The following GCA variants were observed in gnomAD, a reference collection of about 807,000 sequenced individuals.
GCA encodes the protein grancalcin.
GCA carries 30 observed loss-of-function variants against 32.6 expected under a neutral mutation model. The observed-to-expected ratio is 0.92, with a 90% CI of 0.69 to 1.25. The LOEUF is 1.25. Ranked by LOEUF, GCA falls within the 50% of genes most tolerant of loss-of-function variation. The pLI is 0.00. For missense variants in GCA, 291 were observed against 266.8 expected (o/e 1.09, Z -0.63); for synonymous variants, 102 against 84.6 (o/e 1.21, Z -1.13).
Position 162,360,712 on chromosome 2 carries a change from T to C in GCA, c.*469T>C, listed in dbSNP as rs1295299568. 1.5e-6 allele frequency: 2 copies of C among 1,369,514 alleles called. No individual in the cohort carries two copies. Among genetic ancestry groups the C allele is most frequent in the Non-Finnish European group, 9.4e-7 (1 of 1,065,056 alleles). The allele number at this position is 1,369,514 out of a possible 1,614,324, so 84.8% of individuals were successfully genotyped here. A position where few individuals can be genotyped will look rare whatever the true frequency, so the allele number is the denominator to read the frequency against. ...GAAAGCCTGGATTTTGTGCCATGTT[T>C]GTAATATAGTTTGTTCCTTGATCAA... On this transcript the variant is annotated 3_prime_UTR_variant, in exon 8 of 8. Coordinates refer to ENST00000437150, the MANE Select transcript of GCA (RefSeq NM_012198.5).
intron 3 of GCA, among the ~76,000 whole-genome samples, chr2:162,353,067 C>T (rs781692083): frequency 3.1e-4 from 47 of 152,210 alleles, no homozygotes; most frequent in Non-Finnish European, 4.3e-4. Context: ...CTGGTTTCCC[C>T]GTTTCTCTTG....
intron 1 of GCA, among the ~76,000 whole-genome samples, chr2:162,326,661 C>A (rs1683892153): frequency 6.6e-6 from 1 of 152,176 alleles, no homozygotes; most frequent in Non-Finnish European, 1.5e-5. Context: ...GGACTACAGG[C>A]AAGCCCCACC....
rs1324499566 is a variant in GCA, at chr2:162,360,994, G to A, written c.*751G>A. 2 of 1,076,764 alleles carry A rather than the reference G, an allele frequency of 1.9e-6. No homozygotes were observed. Among genetic ancestry groups the A allele is most frequent in the Non-Finnish European group, 2.3e-6 (2 of 881,222 alleles). 66.7% of individuals were successfully genotyped at this position (1,076,764 alleles called of 1,614,324 possible). A position where few individuals can be genotyped will look rare whatever the true frequency, so the allele number is the denominator to read the frequency against. ...AAAATGGCATCCTGCTCTGAATCTA[G>A]ACTTTTTAGAAATGGCATATGTTTT... On this transcript the variant is annotated 3_prime_UTR_variant, in exon 8 of 8. Coordinates refer to ENST00000437150, the MANE Select transcript of GCA (RefSeq NM_012198.5).
intron 5 of GCA, among the ~76,000 whole-genome samples, chr2:162,357,158 A>G (rs999615298): frequency 1.3e-5 from 2 of 151,690 alleles, no homozygotes; most frequent in African/African-American, 2.4e-5. Context: ...GTTTAAATTT[A>G]TTTCTTTGTT....
At chr2:162,336,270 G>A (rs947848326) in intron 1 of GCA, among the ~76,000 whole-genome samples, 1 of 152,022 alleles carries the variant, frequency 6.6e-6, no homozygotes, top group Non-Finnish European at 1.5e-5. Flanking sequence ...AATTAGTTTT[G>A]TTTCCTTCTA....
At chr2:162,327,507 C>G (rs750067266) in intron 1 of GCA, among the ~76,000 whole-genome samples, 28 of 152,116 alleles carry the variant, frequency 1.8e-4, no homozygotes, top group Non-Finnish European at 2.8e-4. Context: ...TAGTTCAGAC[C>G]AGGTTGAATT....
chr2:162,346,077 C>A (rs1488352968), intron 1 of GCA, among the ~76,000 whole-genome samples: 1 of 151,754 alleles, frequency 6.6e-6, no homozygotes, highest in Admixed American at 6.6e-5. Context: ...TAATTGTATA[C>A]GAATAAAAAT....
rs1685630082 is a variant in GCA at position 162,362,774 on chromosome 2, G to C, written c.*2531G>C. The C allele has an allele frequency of 6.3e-6, 1 of 157,744 alleles. No homozygotes were observed. Among genetic ancestry groups the C allele is most frequent in the Admixed American group, 6.6e-5 (1 of 15,140 alleles). 9.8% of individuals were successfully genotyped at this position (157,744 alleles called of 1,614,324 possible). On this transcript the variant is annotated 3_prime_UTR_variant, in exon 8 of 8. Coordinates refer to ENST00000437150, the MANE Select transcript of GCA (RefSeq NM_012198.5). ...GTCAGGTATTGCACTTCTATTCTGA[G>C]TGGCAGTTTACACATTTTAAATTAC...
chr2:162,336,523 C>T (rs1018353961), intron 1 of GCA, among the ~76,000 whole-genome samples: 2 of 152,116 alleles, frequency 1.3e-5, no homozygotes, highest in Non-Finnish European at 2.9e-5. Flanking sequence ...AGGTAACATC[C>T]TCCTTTCTCC....
upstream of GCA, among the ~76,000 whole-genome samples, chr2:162,342,589 C>T (rs1428140442): frequency 1.3e-5 from 2 of 152,184 alleles, no homozygotes; most frequent in African/African-American, 2.4e-5. Flanking sequence ...CCAAACTTTG[C>T]CCTGGCAGGA....
chr2:162,347,670 G>A lies in GCA; in HGVS notation c.120G>A (p.Gly40=), dbSNP rs1684781119. Reference sequence around the variant, plus strand: ...CTATACTCCTCGATGGATACTCTGGGCCAGCATATTCAGACACTTATTCCT... The same window carrying A: ...CTATACTCCTCGATGGATACTCTGGACCAGCATATTCAGACACTTATTCCT... ...GPAILLDGYS[G]PAYSDTYSSA... Residue 40 remains glycine (G), a synonymous_variant, in exon 2 of 8, where the codon GGG becomes GGA. Coordinates refer to ENST00000437150, the MANE Select transcript of GCA (RefSeq NM_012198.5). 6.2e-7 allele frequency: 1 copy of A among 1,610,648 alleles called. No individual in the cohort carries two copies.
At chr2:162,371,031 T>C (rs1053159986) in intron 4 of GCA, among the ~76,000 whole-genome samples, 2 of 152,060 alleles carry the variant, frequency 1.3e-5, no homozygotes, top group Non-Finnish European at 2.9e-5. Context: ...AAGCTGTGGA[T>C]ATCAGTTTGT....
At chr2:162,367,519 C>T (rs1685791707), downstream of GCA, among the ~76,000 whole-genome samples, 1 of 151,822 alleles carries the variant, frequency 6.6e-6, no homozygotes, top group African/African-American at 2.4e-5. Flanking sequence ...TGTATAACAT[C>T]GATTCAGAGT....
At chr2:162,339,743 A>G (rs527269220), upstream of GCA, among the ~76,000 whole-genome samples, 5 of 152,330 alleles carry the variant, frequency 3.3e-5, no homozygotes, top group Admixed American at 2.6e-4. Flanking sequence ...GAAGGCAGCC[A>G]TCTGTAACCA....
Position 162,347,664 on chromosome 2 carries a change from C to T in GCA, c.114C>T (p.Tyr38=). ...ETGPAILLDG[Y]SGPAYSDTYS... ...GCCCAGCTATACTCCTCGATGGATA[C>T]TCTGGGCCAGCATATTCAGACACTT... The change falls in exon 2 of 8, where the codon TAC becomes TAT. Residue 38 remains tyrosine, a synonymous_variant. Coordinates refer to ENST00000437150, the MANE Select transcript of GCA (RefSeq NM_012198.5). 6.2e-7 allele frequency: 1 copy of T among 1,610,154 alleles called. No individual in the cohort carries two copies. The highest frequency in any genetic ancestry group is 8.5e-7 in the Non-Finnish European group (1 of 1,177,014).
At chr2:162,344,648 A>C in intron 1 of GCA, 1 of 307,512 alleles carries the variant, frequency 3.3e-6, no homozygotes, top group South Asian at 5.3e-5. Flanking sequence ...CCTCTTTTTG[A>C]ATTTCCTGAC....
At chr2:162,326,366 A>G (rs543997033) in intron 1 of GCA, among the ~76,000 whole-genome samples, 1 of 152,246 alleles carries the variant, frequency 6.6e-6, no homozygotes, top group South Asian at 2.1e-4. Flanking sequence ...GAGGGCTACA[A>G]GGCATTTTTC....
intron 1 of GCA, among the ~76,000 whole-genome samples, chr2:162,323,376 G>A (rs1576251279): frequency 2.0e-5 from 3 of 151,796 alleles, no homozygotes; most frequent in East Asian, 3.9e-4. Flanking sequence ...CACTCTAATG[G>A]TAGTTTCTTT....
rs1685437999 is a variant in GCA, at chr2:162,359,124, G to A, written c.535G>A (p.Val179Ile). 6.2e-7 allele frequency: 1 copy of A among 1,605,336 alleles called. No individual in the cohort carries two copies. Among genetic ancestry groups the A allele is most frequent in the South Asian group, 1.1e-5 (1 of 90,644 alleles). The change falls in exon 6 of 8, where the codon GTT (valine) becomes ATT (isoleucine). Residue 179 changes from valine to isoleucine, a missense_variant. Coordinates refer to ENST00000437150, the MANE Select transcript of GCA (RefSeq NM_012198.5). ...TGGCAGAATTTTCTTTGATGATTAT[G>A]TTGCTTGCTGTGTGAAGCTTCGAGC... ...KNGRIFFDDY[V>I]ACCVKLRALT...
Sources: gnomAD v4.1 joint callset for allele counts (sites outside exome capture counted in the v4.1 genomes callset) on GRCh38, gnomAD v4.1.1 for gene constraint, MANE v1.5 for transcripts, NCBI Gene and HGNC (gene_info 2026-07-23, HGNC 2026-07-21) for gene names.